The following DCBLD1 variants were observed in gnomAD, a reference collection of about 807,000 sequenced individuals.
The protein encoded by DCBLD1 is discoidin, CUB and LCCL domain containing 1.
DCBLD1 carries 57 observed loss-of-function variants against 71.5 expected under a neutral mutation model. That is an observed-to-expected ratio of 0.80 (90% CI 0.64 to 0.99). The LOEUF is 0.99. Among genes scored for constraint, DCBLD1 ranks in the 50% least tolerant of loss-of-function variants. The pLI, the probability that DCBLD1 is intolerant of heterozygous loss-of-function variation, is 0.00. For missense variants in DCBLD1, 891 were observed against 923.5 expected, an observed-to-expected ratio of 0.96 and a Z score of 0.46; for synonymous variants, 380 against 363.8, an observed-to-expected ratio of 1.04 and a Z score of -0.51.
intron 11 of DCBLD1, 109 bp downstream of exon 11, chr6:117,541,134 G>T: frequency 1.1e-6 from 1 of 910,656 alleles, no homozygotes; most frequent in East Asian, 2.6e-5. Flanking sequence ...CATTGGAGGT[G>T]GATGATCCAG....
chr6:117,513,823 C>G (rs74743190), intron 2 of DCBLD1, among the ~76,000 whole-genome samples: 1 of 152,190 alleles, frequency 6.6e-6, no homozygotes, highest in Non-Finnish European at 1.5e-5. Context: ...TAGAAGTCAC[C>G]GCGCTCTCAT....
intron 5 of DCBLD1, among the ~76,000 whole-genome samples, chr6:117,525,644 A>G (rs1237142457): frequency 3.3e-5 from 5 of 152,194 alleles, no homozygotes; most frequent in Admixed American, 1.3e-4. Flanking sequence ...GCTTACTATA[A>G]ATGAAATGAA....
Position 117,539,321 on chromosome 6 carries a change from T to C in DCBLD1, c.1043T>C (p.Phe348Ser). 6.2e-7 allele frequency: 1 copy of C among 1,609,346 alleles called. No individual in the cohort carries two copies. Among genetic ancestry groups the C allele is most frequent in the Non-Finnish European group, 8.5e-7 (1 of 1,178,722 alleles). ...TATGTTAAGAGTTTTGTGATGAACT[T>C]CAAAAACAATAATTCTAAGTGGAAG... ...NFYVKSFVMN[F>S]KNNNSKWKTY... is the part of the protein sequence containing the mutation. The change falls in exon 9 of 15, where the codon TTC becomes TCC. Residue 348 changes from phenylalanine (F) to serine (S), a missense_variant. Physicochemically the swap from Phe to Ser is radical, Grantham distance 155 (BLOSUM62 -2). Coordinates refer to ENST00000338728, the MANE Select transcript of DCBLD1 (RefSeq NM_001366458.2).
rs149784566 is a variant in DCBLD1, at chr6:117,538,651, C to T, written c.792C>T (p.Asp264=). The part of the protein sequence containing the change: ...GCSRSLSFEP[D]GQIRASSSWQ... Reference sequence around the variant, plus strand: ...GCAGATCCTTGAGTTTTGAACCTGACGGGCAAATCAGAGCTTCTTCCTCAT... The same window carrying T: ...GCAGATCCTTGAGTTTTGAACCTGATGGGCAAATCAGAGCTTCTTCCTCAT... Residue 264 remains aspartate, a synonymous_variant, in exon 8 of 15, where the codon GAC becomes GAT. Transcript: ENST00000338728. 6.2e-4 allele frequency: 999 copies of T among 1,613,920 alleles called. 6 individuals are homozygous for T. In the African/African-American group the frequency reaches 0.01, roughly 17 times the overall value.
intron 9 of DCBLD1, 98 bp downstream of exon 9, chr6:117,539,477 A>T (rs1436868383): frequency 9.5e-6 from 13 of 1,365,776 alleles, no homozygotes; most frequent in Non-Finnish European, 1.3e-5. Context: ...TTAATAAAAG[A>T]CAGTGAGGCC....
At chr6:117,557,163 G>C (rs187159907) in intron 14 of DCBLD1, among the ~76,000 whole-genome samples, 1 of 152,002 alleles carries the variant, frequency 6.6e-6, no homozygotes, top group Non-Finnish European at 1.5e-5. Context: ...TGAAAGTTTT[G>C]TTGCAATCTC....
chr6:117,482,884 G>A lies in DCBLD1; in HGVS notation c.103G>A (p.Glu35Lys), dbSNP rs1474606143. 2.5e-6 allele frequency: 3 copies of A among 1,195,946 alleles called. No homozygotes were observed. In the African/African-American group the frequency reaches 4.8e-5, roughly 19 times the overall value. The allele number at this position is 1,195,946 out of a possible 1,614,324, so 74.1% of individuals were successfully genotyped here. A position where few individuals can be genotyped will look rare whatever the true frequency, so the allele number is the denominator to read the frequency against. Residue 35 changes from glutamate (E) to lysine (K), a missense_variant, in exon 1 of 15, where the codon GAG (glutamate) becomes AAG (lysine). By Grantham distance (56) the Glu-to-Lys change is moderately conservative (BLOSUM62 1). Transcript: ENST00000338728. ...AVSAPLRLQA[E>K]ELGDGCGHLV... ...CTCCGCCCCGCTCCGGCTGCAGGCG[G>A]AGGAGCTGGGTGAGTGGAGCGCGTC...
chr6:117,535,951 T>G (rs1262079290), intron 6 of DCBLD1, among the ~76,000 whole-genome samples: 2 of 152,188 alleles, frequency 1.3e-5, no homozygotes, highest in Non-Finnish European at 2.9e-5. Context: ...TAATGATTGG[T>G]GCCTGCATTA....
intron 14 of DCBLD1, among the ~76,000 whole-genome samples, chr6:117,565,388 A>C (rs1315053663): frequency 6.6e-6 from 1 of 152,204 alleles, no homozygotes; most frequent in Non-Finnish European, 1.5e-5. Context: ...CTGATATTAT[A>C]CAAAAATTTG....
intron 3 of DCBLD1, 44 bp from the exon 4 acceptor site, chr6:117,521,481 T>A: frequency 6.7e-7 from 1 of 1,500,532 alleles, no homozygotes; most frequent in Non-Finnish European, 9.1e-7. Context: ...AGTGTCCTAG[T>A]TTTTATTCAT....
intron 2 of DCBLD1, 89 bp downstream of exon 2, chr6:117,504,068 A>G: frequency 7.3e-7 from 1 of 1,374,708 alleles, no homozygotes; most frequent in South Asian, 1.3e-5. Flanking sequence ...ACGCTATATC[A>G]TGAGAAGATT....
chr6:117,487,988 C>T (rs565274157), intron 1 of DCBLD1, among the ~76,000 whole-genome samples: 26 of 152,188 alleles, frequency 1.7e-4, no homozygotes, highest in African/African-American at 5.8e-4. Context: ...ACTTCTTACC[C>T]GATGTGGAAA....
intron 2 of DCBLD1, among the ~76,000 whole-genome samples, chr6:117,518,359 A>G (rs982639294): frequency 2.6e-5 from 4 of 152,274 alleles, no homozygotes; most frequent in Non-Finnish European, 5.9e-5. Context: ...AAACCATTCA[A>G]CAAACCTCTA....
intron 1 of DCBLD1, among the ~76,000 whole-genome samples, chr6:117,498,655 T>C (rs967182588): frequency 2.0e-5 from 3 of 152,338 alleles, no homozygotes; most frequent in Admixed American, 2.0e-4. Context: ...ATTTTTAATA[T>C]TCTTAGAACT....
chr6:117,548,090 A>G lies in DCBLD1; in HGVS notation c.1799A>G (p.Tyr600Cys), dbSNP rs1391254889. Residue 600 changes from tyrosine to cysteine, a missense_variant, in exon 15 of 15, where the codon TAC (tyrosine) becomes TGC (cysteine). Physicochemically the swap from Tyr to Cys is radical, Grantham distance 194. Coordinates refer to ENST00000338728, the MANE Select transcript of DCBLD1 (RefSeq NM_001366458.2). ...CCCCTGGCGCCCCCGGAGCCCGAGT[A>G]CGCCACGCCCATCGTGGAGCGGCAC... is the stretch of plus-strand genomic sequence containing the variant. Reference protein sequence around the residue: ...ALPLAPPEPEYATPIVERHVL... With the variant: ...ALPLAPPEPECATPIVERHVL... 2 of 1,549,120 alleles carry G rather than the reference A, an allele frequency of 1.3e-6. No homozygotes were observed. Among genetic ancestry groups the G allele is most frequent in the Non-Finnish European group, 1.7e-6 (2 of 1,146,248 alleles).
intron 1 of DCBLD1, among the ~76,000 whole-genome samples, chr6:117,501,854 TACA>T: frequency 6.6e-6 from 1 of 152,146 alleles, no homozygotes. Context: ...TAACCAAACT[TACA>T]ACCTTTGGGC....
At chr6:117,559,566 C>G (rs1779543898) in intron 14 of DCBLD1, among the ~76,000 whole-genome samples, 1 of 152,168 alleles carries the variant, frequency 6.6e-6, no homozygotes, top group Non-Finnish European at 1.5e-5. Flanking sequence ...AAGCTATGCT[C>G]CCTCCTGCAC....
intron 2 of DCBLD1, among the ~76,000 whole-genome samples, chr6:117,506,007 A>AT (rs950931723): frequency 5.9e-5 from 9 of 152,084 alleles, no homozygotes; most frequent in Admixed American, 1.3e-4. Context: ...TTCTCCTTGA[A>AT]TTTTTTTCTG....
At position 117,543,215 on chromosome 6, in the gene DCBLD1, T is replaced by C. The variant is rs778978765; in HGVS notation, c.1445+4T>C. The C allele has an allele frequency of 4.3e-6, 7 of 1,613,540 alleles. No homozygotes were observed. The highest frequency in any genetic ancestry group is 4.0e-5 in the African/African-American group (3 of 74,918). ...GGATCTTTGCAGCCTTTAGAAAGTA[T>C]GGTGACTTTACATGTTTAAATTTCT... On this transcript the variant is annotated splice_donor_region_variant and intron_variant, in intron 12 of 14. Coordinates refer to ENST00000338728, the MANE Select transcript of DCBLD1 (RefSeq NM_001366458.2).
Sources: gnomAD v4.1 joint callset for allele counts (sites outside exome capture counted in the v4.1 genomes callset) on GRCh38, gnomAD v4.1.1 for gene constraint, MANE v1.5 for transcripts, NCBI Gene and HGNC (gene_info 2026-07-23, HGNC 2026-07-21) for gene names.